The following TMTC2 variants were observed in gnomAD, a reference collection of about 807,000 sequenced individuals.
The protein encoded by TMTC2 is protein O-mannosyl-transferase TMTC2.
A neutral mutation model predicts 82.4 loss-of-function variants in TMTC2; 43 were observed. The observed-to-expected ratio is 0.52, with a 90% confidence interval of 0.41 to 0.67. The LOEUF (loss-of-function observed/expected upper bound fraction) is 0.67, where lower values mean the gene tolerates loss of function less well. Ranked by LOEUF, TMTC2 falls within the 30% of genes least tolerant of loss-of-function variation. TMTC2 has a pLI of 0.00. For synonymous variants in TMTC2, 408 were observed against 381.9 expected (o/e 1.07, Z -0.80); for missense variants, 919 against 1,012.4 (o/e 0.91, Z 1.25).
At chr12:82,792,256 T>C (rs1245967874) in intron 1 of TMTC2, among the ~76,000 whole-genome samples, 2 of 151,842 alleles carry the variant, frequency 1.3e-5, no homozygotes, top group Non-Finnish European at 2.9e-5. Flanking sequence ...TCAACTAGAG[T>C]TCAGTACTGT....
intron 3 of TMTC2, among the ~76,000 whole-genome samples, chr12:82,929,064 T>G (rs1875876760): frequency 6.6e-6 from 1 of 152,046 alleles, no homozygotes; most frequent in Admixed American, 6.6e-5. Context: ...CTGTGTTTGT[T>G]TTTTTGTTTT....
intron 1 of TMTC2, among the ~76,000 whole-genome samples, chr12:82,725,117 G>A (rs959912289): frequency 6.6e-6 from 1 of 151,798 alleles, no homozygotes; most frequent in African/African-American, 2.4e-5. Context: ...TTTTTCAACA[G>A]TGTTGATTTT....
intron 8 of TMTC2, among the ~76,000 whole-genome samples, chr12:83,017,135 T>C (rs1880713123): frequency 6.6e-6 from 1 of 152,148 alleles, no homozygotes; most frequent in Admixed American, 6.5e-5. Context: ...ATGCTCTCTT[T>C]GTTAAGAGTG....
At chr12:82,846,499 G>C (rs1205891467) in intron 1 of TMTC2, among the ~76,000 whole-genome samples, 1 of 152,066 alleles carries the variant, frequency 6.6e-6, no homozygotes, top group African/African-American at 2.4e-5. Context: ...GCTGCAGCTG[G>C]GGCCATTTTT....
chr12:83,122,464 C>G (rs1884982985), intron 11 of TMTC2, among the ~76,000 whole-genome samples: 1 of 152,098 alleles, frequency 6.6e-6, no homozygotes, highest in African/African-American at 2.4e-5. Flanking sequence ...AGATGGCTTG[C>G]TACGGAACCC....
intron 1 of TMTC2, among the ~76,000 whole-genome samples, chr12:82,798,285 C>A (rs1878819882): frequency 7.0e-6 from 1 of 141,924 alleles, no homozygotes; most frequent in Non-Finnish European, 1.5e-5. Flanking sequence ...GAAGTAAAGA[C>A]TTGGGGCCGG....
chr12:83,112,311 G>A (rs947954492), intron 11 of TMTC2, among the ~76,000 whole-genome samples: 3 of 152,012 alleles, frequency 2.0e-5, no homozygotes, highest in African/African-American at 7.3e-5. Flanking sequence ...GACTAGCCAC[G>A]TGCATCCCCG....
intron 8 of TMTC2, among the ~76,000 whole-genome samples, chr12:83,004,184 G>A (rs1409921131): frequency 6.6e-6 from 1 of 152,120 alleles, no homozygotes; most frequent in African/African-American, 2.4e-5. Context: ...ACCGTATTAT[G>A]ACATTCCTTG....
At chr12:82,808,475 G>A (rs1285403290) in intron 1 of TMTC2, among the ~76,000 whole-genome samples, 1 of 152,030 alleles carries the variant, frequency 6.6e-6, no homozygotes, top group African/African-American at 2.4e-5. Context: ...TAACCAGGTA[G>A]TGAAGGAATT....
intron 2 of TMTC2, among the ~76,000 whole-genome samples, chr12:82,868,965 T>A (rs1281268746): frequency 6.6e-6 from 1 of 152,110 alleles, no homozygotes; most frequent in African/African-American, 2.4e-5. Context: ...CATGAACTAT[T>A]TTGGACAACT....
intron 1 of TMTC2, among the ~76,000 whole-genome samples, chr12:82,824,841 C>T (rs531737923): frequency 1.3e-3 from 198 of 152,244 alleles, no homozygotes; most frequent in Non-Finnish European, 1.6e-3. Flanking sequence ...GTAATCCCAG[C>T]ACTTTGGGAG....
At chr12:83,054,030 T>C (rs1882446892) in intron 10 of TMTC2, among the ~76,000 whole-genome samples, 1 of 152,102 alleles carries the variant, frequency 6.6e-6, no homozygotes, top group Admixed American at 6.6e-5. Context: ...TCAATGAATG[T>C]ATGTGAATGT....
In TMTC2 at chr12:82,845,806, T is replaced by G. The variant is rs901303856; in HGVS notation, c.84-11204T>G. Among the ~76,000 whole-genome samples, 12 of 152,142 alleles carry G rather than the reference T, an allele frequency of 7.9e-5. 1 individual carries two copies. The highest frequency in any genetic ancestry group is 2.9e-4 in the African/African-American group (12 of 41,396). The stretch of plus-strand genomic sequence containing the variant: ...TTCTCATATTTTCATGTTGTATTAG[T>G]TTTTGCTTTAATTTTGCAAAATGCT... On this transcript the variant is annotated intron_variant, in intron 1 of 11. Transcript: ENST00000321196.
At chr12:82,937,702 G>T (rs1230771412) in intron 4 of TMTC2, among the ~76,000 whole-genome samples, 1 of 15,630 alleles carries the variant, frequency 6.4e-5, no homozygotes, top group African/African-American at 2.7e-4. Flanking sequence ...AATGTCAATG[G>T]TGTGTGTGTG....
At chr12:82,895,286 G>A (rs1234491394) in intron 2 of TMTC2, among the ~76,000 whole-genome samples, 1 of 152,096 alleles carries the variant, frequency 6.6e-6, no homozygotes, top group South Asian at 2.1e-4. Flanking sequence ...ATGAAATGGG[G>A]ACTGGCTTAG....
chr12:83,104,901 C>T (rs1302403752), intron 11 of TMTC2, among the ~76,000 whole-genome samples: 2 of 152,154 alleles, frequency 1.3e-5, no homozygotes, highest in African/African-American at 4.8e-5. Flanking sequence ...ATGTAACTTC[C>T]AACTTTATGT....
At chr12:82,845,246 A>G (rs1432220433) in intron 1 of TMTC2, among the ~76,000 whole-genome samples, 1 of 124,188 alleles carries the variant, frequency 8.1e-6, no homozygotes, top group Non-Finnish European at 1.6e-5. Flanking sequence ...AAAAAAAAAA[A>G]AAAAAAATAT....
chr12:83,041,598 A>G (rs1371641020), intron 9 of TMTC2, among the ~76,000 whole-genome samples: 3 of 152,222 alleles, frequency 2.0e-5, no homozygotes, highest in African/African-American at 4.8e-5. Flanking sequence ...GAAGAGACAC[A>G]GTAAAAACCT....
At chr12:82,959,595 T>G (rs1877805437) in intron 4 of TMTC2, among the ~76,000 whole-genome samples, 1 of 152,076 alleles carries the variant, frequency 6.6e-6, no homozygotes, top group Non-Finnish European at 1.5e-5. Context: ...GTTCAGTAAA[T>G]AATGCTGGGA....
Sources: gnomAD v4.1 joint callset for allele counts (sites outside exome capture counted in the v4.1 genomes callset) on GRCh38, gnomAD v4.1.1 for gene constraint, MANE v1.5 for transcripts, NCBI Gene and HGNC (gene_info 2026-07-23, HGNC 2026-07-21) for gene names.